RTN2: variants seen among roughly 807,000 people sequenced by gnomAD.
RTN2 encodes reticulon 2.
Under a neutral mutation model 63.7 loss-of-function variants are expected in RTN2, and 36 were observed. That is an observed-to-expected ratio of 0.56 (90% CI 0.43 to 0.75). The LOEUF (loss-of-function observed/expected upper bound fraction) is 0.75. RTN2 is among the 30% of genes least tolerant of loss of function. The pLI is 0.00. For synonymous variants in RTN2, 312 were observed against 313.0 expected, an observed-to-expected ratio of 1.00 and a Z score of 0.03; for missense variants, 673 against 705.1, an observed-to-expected ratio of 0.95 and a Z score of 0.52.
In RTN2 at chr19:45,485,378, T is replaced by C. The variant is rs952092179; in HGVS notation, c.*330A>G. 27 of 342,588 alleles carry C rather than the reference T, an allele frequency of 7.9e-5. No individual in the cohort carries two copies. The highest frequency in any genetic ancestry group is 5.1e-4 in the African/African-American group (25 of 48,606). 21.2% of individuals were successfully genotyped at this position (342,588 alleles called of 1,614,324 possible). ...TGCAAAGCCCCGGCGTTGGGGCTAG[T>C]AGCATCCAGGAGACACCAACGCCTC... On this transcript the variant is annotated 3_prime_UTR_variant, in exon 11 of 11. Coordinates refer to ENST00000245923, the MANE Select transcript of RTN2 (RefSeq NM_005619.5).
chr19:45,488,901 C>T lies in RTN2; in HGVS notation c.1327G>A (p.Ala443Thr), dbSNP rs1968088865. The T allele has an allele frequency of 5.6e-6, 9 of 1,607,600 alleles. No individual in the cohort carries two copies. Among genetic ancestry groups the T allele is most frequent in the Non-Finnish European group, 7.6e-6 (9 of 1,177,630 alleles). ...HQITSRVVSA[A>T]TQLRHFFLVE... ...AGGAAGAAGTGCCGCAGCTGCGTGG[C>T]CGCCGAGACCACGCGGGAGGTGATC... Residue 443 changes from alanine to threonine, a missense_variant, in exon 7 of 11, where the codon GCC becomes ACC. Ala to Thr is a moderately conservative substitution (Grantham distance 58, BLOSUM62 0). Transcript: ENST00000245923.
intron 5 of RTN2, 49 bp downstream of exon 5, chr19:45,493,111 C>G (rs765071991): frequency 6.4e-7 from 1 of 1,553,052 alleles, no homozygotes; most frequent in South Asian, 1.1e-5. Context: ...CGAGTTTGGA[C>G]CCCGTTCCGC....
At chr19:45,495,258 C>A (rs1968248669) in intron 1 of RTN2, 119 bp from the exon 2 acceptor site, 5 of 1,190,444 alleles carry the variant, frequency 4.2e-6, no homozygotes, top group Non-Finnish European at 6.1e-6. Context: ...ATTCTGCACA[C>A]AGACTCTAAA....
rs1568625404 is a variant in RTN2, at chr19:45,494,514, C to A, written c.559+12G>T. Reference sequence around the variant, plus strand: ...CCTCTTGGCTTTGGTCCCAGCACCTCGGACATCTCACCTTCCCCAGCTTCT... The same window carrying A: ...CCTCTTGGCTTTGGTCCCAGCACCTAGGACATCTCACCTTCCCCAGCTTCT... On this transcript the variant is annotated intron_variant, in intron 3 of 10. Coordinates refer to ENST00000245923, the MANE Select transcript of RTN2 (RefSeq NM_005619.5). This position sits in a 1 kb window ranked among gnomAD's most constrained non-coding sequence, Gnocchi z 5.3. The A allele has an allele frequency of 6.2e-7, 1 of 1,611,446 alleles. No individual in the cohort carries two copies. Among genetic ancestry groups the A allele is most frequent in the Non-Finnish European group, 8.5e-7 (1 of 1,178,188 alleles).
chr19:45,485,403 C>T lies in RTN2; in HGVS notation c.*305G>A. ...TAGCATCCAGGAGACACCAACGCCT[C>T]ACGGCGCCTCCAGCGGCGGGTCCGG... On this transcript the variant is annotated 3_prime_UTR_variant, in exon 11 of 11. Coordinates refer to ENST00000245923, the MANE Select transcript of RTN2 (RefSeq NM_005619.5). 1 of 411,446 alleles carries T rather than the reference C, an allele frequency of 2.4e-6. No homozygotes were observed. The highest frequency in any genetic ancestry group is 4.5e-6 in the Non-Finnish European group (1 of 223,608). 25.5% of individuals were successfully genotyped at this position (411,446 alleles called of 1,614,324 possible). A position where few individuals can be genotyped will look rare whatever the true frequency, so the allele number is the denominator to read the frequency against.
chr19:45,488,443 T>G (rs775838226), intron 9 of RTN2, 28 bp downstream of exon 9: 11 of 1,608,096 alleles, frequency 6.8e-6, no homozygotes, highest in Non-Finnish European at 9.3e-6. Context: ...TTAGCTGGGG[T>G]GCTGACAACT....
intron 4 of RTN2, chr19:45,493,742 TTATTTTATTTTTATTTTTTGAGACGGAG>T (rs575227291): frequency 2.5e-4 from 68 of 272,562 alleles, no homozygotes; most frequent in African/African-American, 1.5e-3. Flanking sequence ...GAGGATTATT[TTATTTTATTTTTATTTTTTGAGACGGAG>T]TCTCGCTCTG....
rs1239494586 is a variant in RTN2, at chr19:45,485,376, A to G, written c.*332T>C. 6.1e-6 allele frequency: 2 copies of G among 325,654 alleles called. No homozygotes were observed. Among genetic ancestry groups the G allele is most frequent in the South Asian group, 4.8e-5 (1 of 21,002 alleles). The allele number at this position is 325,654 out of a possible 1,614,324, so 20.2% of individuals were successfully genotyped here. ...CATGCAAAGCCCCGGCGTTGGGGCT[A>G]GTAGCATCCAGGAGACACCAACGCC... On this transcript the variant is annotated 3_prime_UTR_variant, in exon 11 of 11. Coordinates refer to ENST00000245923, the MANE Select transcript of RTN2 (RefSeq NM_005619.5).
At position 45,493,989 on chromosome 19, in the gene RTN2, CGG is replaced by C. The variant is rs1294789976; in HGVS notation, c.814+175_814+176del. On this transcript the variant is annotated intron_variant, in intron 4 of 10. Coordinates refer to ENST00000245923, the MANE Select transcript of RTN2 (RefSeq NM_005619.5). ...ACAGGCATGAGCCACCGCGCCCGGC[CGG>C]GGAAATTTTTTTAAAAAGCGGAGTT... is the stretch of plus-strand genomic sequence containing the variant. The C allele has an allele frequency of 3.8e-6, 4 of 1,066,556 alleles. No homozygotes were observed. In the Admixed American group the frequency reaches 9.4e-5, roughly 25 times the overall value. 66.1% of individuals were successfully genotyped at this position (1,066,556 alleles called of 1,614,324 possible).
intron 1 of RTN2, chr19:45,496,441 T>TA (rs1968270282): frequency 4.4e-6 from 1 of 229,878 alleles, no homozygotes; most frequent in Non-Finnish European, 8.5e-6. Context: ...ATCCTGGCTC[T>TA]ACCCTCCGTT....
chr19:45,486,219 A>C, intron 9 of RTN2, 106 bp from the exon 10 acceptor site: 1 of 929,584 alleles, frequency 1.1e-6, no homozygotes, highest in Non-Finnish European at 1.7e-6. Context: ...AGTTGTGAAG[A>C]GTGGCCCACC....
At position 45,488,377 on chromosome 19, in the gene RTN2, C is replaced by T. The variant is rs576569191; in HGVS notation, c.1497+94G>A. 3.1e-5 allele frequency: 42 copies of T among 1,351,658 alleles called. No homozygotes were observed. In the East Asian group the frequency reaches 7.6e-4, roughly 24 times the overall value. The allele number at this position is 1,351,658 out of a possible 1,614,324, so 83.7% of individuals were successfully genotyped here. Reference sequence around the variant, plus strand: ...TGCAGCCAGGACACCTGTGTCTGGCCGGGACATCTGTCAATGGGACCCCGG... The same window carrying T: ...TGCAGCCAGGACACCTGTGTCTGGCTGGGACATCTGTCAATGGGACCCCGG... On this transcript the variant is annotated intron_variant, in intron 9 of 10. Coordinates refer to ENST00000245923, the MANE Select transcript of RTN2 (RefSeq NM_005619.5).
At chr19:45,491,693 G>T (rs186971725) in intron 5 of RTN2, among the ~76,000 whole-genome samples, 1 of 151,752 alleles carries the variant, frequency 6.6e-6, no homozygotes, top group South Asian at 2.1e-4. Context: ...CACCATGCCC[G>T]GCTAATTTTT....
chr19:45,487,032 CTTTTTTTTTTTTTTTTTT>C (rs34799041), intron 9 of RTN2, among the ~76,000 whole-genome samples: 4 of 39,178 alleles, frequency 1.0e-4, no homozygotes, highest in African/African-American at 3.9e-4. Flanking sequence ...CATGCCCAGC[CTTTTTTTTTTTTTTTTTT>C]TTTTTTTTTT....
At chr19:45,489,049 A>G in intron 6 of RTN2, 63 bp from the exon 7 acceptor site, 1 of 1,559,770 alleles carries the variant, frequency 6.4e-7, no homozygotes, top group Non-Finnish European at 8.7e-7. Context: ...GTGCAGGGGC[A>G]GCTGAAACAA....
At chr19:45,495,788 A>G (rs1401562881) in intron 1 of RTN2, among the ~76,000 whole-genome samples, 1 of 152,244 alleles carries the variant, frequency 6.6e-6, no homozygotes, top group African/African-American at 2.4e-5. Context: ...TGACTGGAGA[A>G]GAGTGACTGA....
chr19:45,489,135 T>G (rs929818653), intron 6 of RTN2, 149 bp from the exon 7 acceptor site: 38 of 964,694 alleles, frequency 3.9e-5, no homozygotes, highest in Non-Finnish European at 5.5e-5. Context: ...TGTAGAGGGC[T>G]GGGGTCAGGG....
chr19:45,485,614 G>A lies in RTN2; in HGVS notation c.*94C>T, dbSNP rs1193359883. On this transcript the variant is annotated 3_prime_UTR_variant, in exon 11 of 11. Coordinates refer to ENST00000245923, the MANE Select transcript of RTN2 (RefSeq NM_005619.5). ...CACCCACCGGGAAAAGGCTCGGGCC[G>A]AGGAGGGGGGTGGGTGGGAACGGAC... The A allele has an allele frequency of 2.9e-6, 3 of 1,022,288 alleles. No individual in the cohort carries two copies. Among genetic ancestry groups the A allele is most frequent in the African/African-American group, 3.1e-5 (2 of 63,620 alleles). The allele number at this position is 1,022,288 out of a possible 1,614,324, so 63.3% of individuals were successfully genotyped here.
At position 45,496,962 on chromosome 19, in the gene RTN2, A is replaced by AGCCGCCGCCGCCGCC. The variant is rs3038807; in HGVS notation, c.-152_-138dup. The AGCCGCCGCCGCCGCC allele has an allele frequency of 7.9e-3, 2,667 of 336,290 alleles. 32 individuals are homozygous for AGCCGCCGCCGCCGCC. The highest frequency in any genetic ancestry group is 8.2e-3 in the Non-Finnish European group (1,620 of 198,686). 20.8% of individuals were successfully genotyped at this position (336,290 alleles called of 1,614,324 possible). On this transcript the variant is annotated 5_prime_UTR_variant, in exon 1 of 11. Transcript: ENST00000245923. ...CCGCCTCCTCCTCCCGGGCTGCTCC[A>AGCCGCCGCCGCCGCC]GCCGCCGCCGCCGCCGCCGCCGCCG...
Sources: allele counts gnomAD v4.1 joint callset (sites outside exome capture counted in the v4.1 genomes callset), GRCh38; gene constraint gnomAD v4.1.1; non-coding constraint Gnocchi (gnomAD v3.1); transcripts MANE v1.5; gene names NCBI Gene and HGNC (gene_info 2026-07-23, HGNC 2026-07-21).